The following CXADR variants were observed in gnomAD, a reference collection of about 807,000 sequenced individuals.
The protein encoded by CXADR is CXADR cell adhesion molecule.
CXADR carries 20 observed loss-of-function variants against 40.3 expected under a neutral mutation model. The ratio of observed to expected loss-of-function variants is 0.50; its 90% CI spans 0.35 to 0.72. The LOEUF is 0.72. CXADR is among the 30% of genes least tolerant of loss of function. The pLI is 0.01. For missense variants in CXADR, 332 were observed against 449.1 expected (o/e 0.74, Z 2.36); for synonymous variants, 150 against 161.3 (o/e 0.93, Z 0.53).
Position 17,566,221 on chromosome 21 carries a change from C to T in CXADR, c.*529C>T, listed in dbSNP as rs2061206916. On this transcript the variant is annotated 3_prime_UTR_variant, in exon 7 of 7. Coordinates refer to ENST00000284878, the MANE Select transcript of CXADR (RefSeq NM_001338.5). ...TTTGAAAACTCTGTGTTTGGAATAT[C>T]TCTAAAAACATAGAAAACACTACAG... The T allele has an allele frequency of 1.0e-6, 1 of 978,544 alleles. No homozygotes were observed. Among genetic ancestry groups the T allele is most frequent in the Admixed American group, 6.1e-5 (1 of 16,266 alleles). 60.6% of individuals were successfully genotyped at this position (978,544 alleles called of 1,614,324 possible).
chr21:17,527,172 G>A (rs2060607806), intron 1 of CXADR: 1 of 152,160 alleles, frequency 6.6e-6, no homozygotes, highest in South Asian at 2.1e-4. Context: ...GTAAGAAGGG[G>A]GGAAGAGAAG....
chr21:17,598,328 A>C (rs1409174948), downstream of CXADR, among the ~76,000 whole-genome samples: 1 of 152,196 alleles, frequency 6.6e-6, no homozygotes, highest in Non-Finnish European at 1.5e-5. Context: ...CTTTTGAATG[A>C]GATTTTAAAA....
chr21:17,557,002 G>A (rs142807742), intron 3 of CXADR, among the ~76,000 whole-genome samples: 3 of 152,104 alleles, frequency 2.0e-5, no homozygotes, highest in South Asian at 2.1e-4. Flanking sequence ...GAAAGCATAC[G>A]CCAGTGTTCA....
rs2061257286 is a variant in CXADR, at chr21:17,569,493, A to C, written c.*3801A>C. 2.0e-6 allele frequency: 2 copies of C among 985,188 alleles called. No individual in the cohort carries two copies. The highest frequency in any genetic ancestry group is 2.4e-6 in the Non-Finnish European group (2 of 829,916). 61.0% of individuals were successfully genotyped at this position (985,188 alleles called of 1,614,324 possible). A position where few individuals can be genotyped will look rare whatever the true frequency, so the allele number is the denominator to read the frequency against. ...CAATAAAGGCATCATGTTCTGCAAT[A>C]GGATTTCTTACTCATTTACCTATTT... On this transcript the variant is annotated 3_prime_UTR_variant, in exon 7 of 7. Transcript: ENST00000284878.
At chr21:17,545,845 T>A (rs982305654) in intron 1 of CXADR, among the ~76,000 whole-genome samples, 2 of 149,866 alleles carry the variant, frequency 1.3e-5, no homozygotes, top group Non-Finnish European at 3.0e-5. Flanking sequence ...AATGGCACAA[T>A]GTCGGCTCAC....
the CXADR span, among the ~76,000 whole-genome samples, chr21:17,621,717 G>A: frequency 1.4e-3 from 208 of 152,222 alleles, 1 homozygote; most frequent in Admixed American, 3.6e-3. Flanking sequence ...TCTAGAGGAC[G>A]CATCTCTCAC....
At chr21:17,600,880 G>T in the CXADR span, among the ~76,000 whole-genome samples, 1 of 152,182 alleles carries the variant, frequency 6.6e-6, no homozygotes, top group South Asian at 2.1e-4. Flanking sequence ...AGTTGCTACA[G>T]GGGCTGGGCG....
chr21:17,577,144 C>T (rs139378456), intron 7 of CXADR, among the ~76,000 whole-genome samples: 1,603 of 151,374 alleles, frequency 0.011, 28 homozygotes, highest in African/African-American at 0.037. Flanking sequence ...AGAGTGAGAC[C>T]CTGTCTCAAA....
the CXADR span, among the ~76,000 whole-genome samples, chr21:17,614,761 C>A: frequency 6.6e-6 from 1 of 152,090 alleles, no homozygotes; most frequent in Non-Finnish European, 1.5e-5. Context: ...AAAAAAAATT[C>A]TCATAGCTGA....
intron 7 of CXADR, among the ~76,000 whole-genome samples, chr21:17,581,581 C>T (rs534644050): frequency 2.6e-5 from 4 of 152,244 alleles, no homozygotes; most frequent in African/African-American, 9.6e-5. Flanking sequence ...CGGTGGCTCA[C>T]ACCGGTAATC....
intron 1 of CXADR, among the ~76,000 whole-genome samples, chr21:17,539,270 G>A (rs2060797882): frequency 6.6e-6 from 1 of 152,078 alleles, no homozygotes; most frequent in African/African-American, 2.4e-5. Context: ...CAAGTATGTG[G>A]GTTGAATTAT....
the CXADR span, among the ~76,000 whole-genome samples, chr21:17,620,076 G>A: frequency 1.3e-5 from 2 of 152,200 alleles, no homozygotes; most frequent in African/African-American, 2.4e-5. Context: ...CCCTGGAGCA[G>A]CACTTTTAAT....
In CXADR at chr21:17,560,718, T is replaced by G; in HGVS notation, c.588T>G (p.Val196=). 6.2e-7 allele frequency: 1 copy of G among 1,612,960 alleles called. No homozygotes were observed. Among genetic ancestry groups the G allele is most frequent in the Non-Finnish European group, 8.5e-7 (1 of 1,179,648 alleles). The change falls in exon 5 of 7, where the codon GTT becomes GTG. Residue 196 remains valine (V), a synonymous_variant. Transcript: ENST00000284878. The part of the protein sequence containing the change: ...TSWLAEMTSS[V]ISVKNASSEY... ...CTTCCATAGAAATGACTTCATCTGT[T>G]ATATCTGTAAAAAATGCCTCTTCTG...
At chr21:17,598,217 A>C (rs1409938422), downstream of CXADR, among the ~76,000 whole-genome samples, 1 of 152,134 alleles carries the variant, frequency 6.6e-6, no homozygotes, top group Non-Finnish European at 1.5e-5. Context: ...AATATAATAA[A>C]TTTAGAGAGG....
chr21:17,551,876 C>T lies in CXADR; in HGVS notation c.338C>T (p.Ser113Leu). 1 of 1,613,874 alleles carries T rather than the reference C, an allele frequency of 6.2e-7. No homozygotes were observed. Among genetic ancestry groups the T allele is most frequent in the Non-Finnish European group, 8.5e-7 (1 of 1,179,858 alleles). ...ASINVTNLQL[S>L]DIGTYQCKVK... ...ATAAATGTAACGAATTTACAACTGT[C>T]AGATATTGGCACATATCAGTGCAAA... Residue 113 changes from serine to leucine, a missense_variant, in exon 3 of 7, where the codon TCA becomes TTA. This residue lies in a region of CXADR where 162 missense variants were observed against 198.5 expected (regional missense o/e 0.82). Coordinates refer to ENST00000284878, the MANE Select transcript of CXADR (RefSeq NM_001338.5).
At chr21:17,588,915 C>A (rs1286079576) in intron 7 of CXADR, among the ~76,000 whole-genome samples, 2 of 151,812 alleles carry the variant, frequency 1.3e-5, no homozygotes, top group Non-Finnish European at 2.9e-5. Flanking sequence ...AATATCAGGT[C>A]CATTTAAAAA....
intron 1 of CXADR, among the ~76,000 whole-genome samples, chr21:17,530,030 C>T (rs2060650978): frequency 6.6e-6 from 1 of 151,436 alleles, no homozygotes; most frequent in Non-Finnish European, 1.5e-5. Context: ...CTCACTGCAA[C>T]CTACACCTCC....
chr21:17,566,441 A>G lies in CXADR; in HGVS notation c.*749A>G. The G allele has an allele frequency of 3.0e-6, 3 of 985,470 alleles. No homozygotes were observed. The highest frequency in any genetic ancestry group is 3.6e-6 in the Non-Finnish European group (3 of 829,942). The allele number at this position is 985,470 out of a possible 1,614,324, so 61.0% of individuals were successfully genotyped here. A position where few individuals can be genotyped will look rare whatever the true frequency, so the allele number is the denominator to read the frequency against. On this transcript the variant is annotated 3_prime_UTR_variant, in exon 7 of 7. Coordinates refer to ENST00000284878, the MANE Select transcript of CXADR (RefSeq NM_001338.5). Reference sequence around the variant, plus strand: ...ACATATTGAGATGACACTAGGTGCAATAGCAGGGATAGATTTTGTTGGTGA... The same window carrying G: ...ACATATTGAGATGACACTAGGTGCAGTAGCAGGGATAGATTTTGTTGGTGA...
At chr21:17,605,390 A>G in the CXADR span, among the ~76,000 whole-genome samples, 1 of 152,208 alleles carries the variant, frequency 6.6e-6, no homozygotes, top group Admixed American at 6.5e-5. Flanking sequence ...AATGTTTCAG[A>G]TGGTATTTGG....
Sources: gnomAD v4.1 joint callset for allele counts (sites outside exome capture counted in the v4.1 genomes callset) on GRCh38, gnomAD v4.1.1 for gene constraint, gnomAD v4.1.1 regional missense constraint, MANE v1.5 for transcripts, NCBI Gene and HGNC (gene_info 2026-07-23, HGNC 2026-07-21) for gene names.